TTC28: variants seen among roughly 807,000 people sequenced by gnomAD.
TTC28 encodes the protein tetratricopeptide repeat domain 28.
A neutral mutation model predicts 198.0 loss-of-function variants in TTC28; 61 were observed. The observed-to-expected ratio is 0.31, with a 90% CI of 0.25 to 0.38. TTC28 has a LOEUF of 0.38. TTC28 is among the 10% of genes least tolerant of loss of function. TTC28 has a pLI of 1.00. For synonymous variants in TTC28, 1,171 were observed against 1,297.8 expected (o/e 0.90, Z 2.10); for missense variants, 2,678 against 3,164.0 (o/e 0.85, Z 3.69).
intron 2 of TTC28, among the ~76,000 whole-genome samples, chr22:28,367,172 T>C (rs1181632326): frequency 1.3e-5 from 2 of 152,016 alleles, no homozygotes; most frequent in African/African-American, 2.4e-5. Context: ...TTCTCAGGGA[T>C]AGACCATATG....
intron 2 of TTC28, among the ~76,000 whole-genome samples, chr22:28,392,489 G>C (rs938933604): frequency 3.9e-5 from 6 of 152,218 alleles, no homozygotes; most frequent in Non-Finnish European, 5.9e-5. Flanking sequence ...CTAGCAATCA[G>C]GGAGACTCCG....
At position 28,183,675 on chromosome 22, in the gene TTC28, G is replaced by A. The variant is rs570450126; in HGVS notation, c.934-20076C>T. On this transcript the variant is annotated intron_variant, in intron 5 of 22. Coordinates refer to ENST00000397906, the MANE Select transcript of TTC28 (RefSeq NM_001145418.2). ...CTTTTTCCTGTTCTTTGACACATTC[G>A]TTTGGCAGCCATCCAAGACCAGCTT... Among the ~76,000 whole-genome samples, 394 of 152,058 alleles carry A rather than the reference G, an allele frequency of 2.6e-3. 2 individuals are homozygous for A. Among genetic ancestry groups the A allele is most frequent in the African/African-American group, 8.9e-3 (371 of 41,474 alleles).
intron 2 of TTC28, among the ~76,000 whole-genome samples, chr22:28,352,905 G>A (rs1261289254): frequency 6.6e-6 from 1 of 151,668 alleles, no homozygotes; most frequent in African/African-American, 2.4e-5. Context: ...AGGTAATAAG[G>A]AGAAAAAAAG....
intron 1 of TTC28, among the ~76,000 whole-genome samples, chr22:28,649,603 TA>T (rs1333940471): frequency 6.6e-6 from 1 of 152,144 alleles, no homozygotes; most frequent in East Asian, 1.9e-4. Flanking sequence ...TACCAAAACA[TA>T]ATTGTGATAT....
chr22:28,599,522 C>A (rs553449919), intron 2 of TTC28, among the ~76,000 whole-genome samples: 7 of 152,306 alleles, frequency 4.6e-5, no homozygotes, highest in Non-Finnish European at 7.3e-5. Flanking sequence ...GGCGTGGTGG[C>A]TCATGCCTGT....
intron 5 of TTC28, among the ~76,000 whole-genome samples, chr22:28,214,817 A>G (rs1927246764): frequency 1.3e-5 from 2 of 152,244 alleles, no homozygotes; most frequent in Non-Finnish European, 2.9e-5. Context: ...ATGCTGCTAT[A>G]AAGACACATG....
At chr22:28,422,620 T>C (rs919600049) in intron 2 of TTC28, among the ~76,000 whole-genome samples, 1 of 151,776 alleles carries the variant, frequency 6.6e-6, no homozygotes, top group African/African-American at 2.4e-5. Context: ...TTGTAATTTT[T>C]TTTTTTAGTA....
intron 2 of TTC28, among the ~76,000 whole-genome samples, chr22:28,371,144 GT>G (rs965699289): frequency 6.6e-6 from 1 of 152,052 alleles, no homozygotes; most frequent in Non-Finnish European, 1.5e-5. Context: ...TTTGCTACCA[GT>G]TTTTTTCACA....
intron 2 of TTC28, among the ~76,000 whole-genome samples, chr22:28,386,193 T>A (rs1032935935): frequency 7.4e-6 from 1 of 135,192 alleles, no homozygotes; most frequent in African/African-American, 2.8e-5. Context: ...GAGAATGGCG[T>A]GAACCCGGGA....
chr22:28,603,073 G>A (rs970599474), intron 2 of TTC28, among the ~76,000 whole-genome samples: 4 of 151,972 alleles, frequency 2.6e-5, no homozygotes, highest in Non-Finnish European at 5.9e-5. Context: ...TAGAGACGGG[G>A]TTTCACCACG....
chr22:28,589,298 G>A (rs776866399), intron 2 of TTC28, among the ~76,000 whole-genome samples: 1 of 152,160 alleles, frequency 6.6e-6, no homozygotes, highest in African/African-American at 2.4e-5. Flanking sequence ...AGGCCAAACA[G>A]AAATGGAGTC....
At chr22:28,453,969 C>T (rs1298385730) in intron 2 of TTC28, among the ~76,000 whole-genome samples, 1 of 152,214 alleles carries the variant, frequency 6.6e-6, no homozygotes, top group Non-Finnish European at 1.5e-5. Context: ...CATACCTTCC[C>T]TTAACTGTGC....
At chr22:28,511,813 G>A (rs551667151) in intron 2 of TTC28, among the ~76,000 whole-genome samples, 16 of 149,764 alleles carry the variant, frequency 1.1e-4, no homozygotes, top group South Asian at 2.1e-4. Flanking sequence ...GTGAGACTCC[G>A]TCTCAGAAAA....
At chr22:28,334,585 C>A (rs1250257926) in intron 2 of TTC28, among the ~76,000 whole-genome samples, 1 of 152,182 alleles carries the variant, frequency 6.6e-6, no homozygotes. Context: ...TTTTGATTTG[C>A]ATTTCTCTGA....
At chr22:28,401,912 A>C (rs959922172) in intron 2 of TTC28, among the ~76,000 whole-genome samples, 43 of 152,202 alleles carry the variant, frequency 2.8e-4, no homozygotes, top group Middle Eastern at 3.2e-3. Flanking sequence ...CATTTAATTC[A>C]CAACTGCTAT....
intron 2 of TTC28, among the ~76,000 whole-genome samples, chr22:28,615,158 T>C (rs2050882086): frequency 6.6e-6 from 1 of 152,112 alleles, no homozygotes. Flanking sequence ...CAGACGCTTC[T>C]CAAAAGAAGA....
At chr22:28,022,578 C>A (rs894904356) in intron 13 of TTC28, among the ~76,000 whole-genome samples, 2 of 152,204 alleles carry the variant, frequency 1.3e-5, no homozygotes, top group Non-Finnish European at 2.9e-5. Flanking sequence ...GCGAGGACTG[C>A]ACCTGGCAGA....
intron 10 of TTC28, among the ~76,000 whole-genome samples, chr22:28,097,075 T>C (rs139095038): frequency 0.015 from 2,293 of 152,260 alleles, 69 homozygotes; most frequent in African/African-American, 0.053. Context: ...AAGCTGTCTA[T>C]GCGTCTTCTG....
chr22:28,606,703 C>CAAA (rs1569055566), intron 2 of TTC28, among the ~76,000 whole-genome samples: 1 of 151,992 alleles, frequency 6.6e-6, no homozygotes, highest in African/African-American at 2.4e-5. Flanking sequence ...ACCAAAAAGA[C>CAAA]CTGAGCATAG....
Sources: gnomAD v4.1 joint callset for allele counts (sites outside exome capture counted in the v4.1 genomes callset) on GRCh38, gnomAD v4.1.1 for gene constraint, MANE v1.5 for transcripts, NCBI Gene and HGNC (gene_info 2026-07-23, HGNC 2026-07-21) for gene names.